Variants in CDKL5 observed in about 807,000 individuals in gnomAD.
CDKL5 encodes the protein cyclin-dependent kinase-like 5.
A neutral mutation model predicts 61.7 loss-of-function variants in CDKL5; 8 were observed. That is an observed-to-expected ratio of 0.13 (90% CI 0.08 to 0.23). The LOEUF (loss-of-function observed/expected upper bound fraction) is 0.23, where lower values mean the gene tolerates loss of function less well. Ranked by LOEUF, CDKL5 falls within the 10% of genes least tolerant of loss-of-function variation. The pLI is 1.00. For missense variants in CDKL5, 440 were observed against 734.5 expected (o/e 0.60, Z 4.63); for synonymous variants, 275 against 272.3 (o/e 1.01, Z -0.10).
intron 1 of CDKL5, among the ~76,000 whole-genome samples, chrX:18,438,758 C>G (rs1398950020): frequency 2.0e-5 from 2 of 100,271 alleles, no homozygotes; most frequent in African/African-American, 7.4e-5. Flanking sequence ...CCACTGCCCT[C>G]CAGCCTGGGC....
intron 1 of CDKL5, among the ~76,000 whole-genome samples, chrX:18,466,761 C>G (rs1175326386): frequency 8.9e-6 from 1 of 111,955 alleles, no homozygotes; most frequent in Admixed American, 9.5e-5. Flanking sequence ...AGTCCTCCCA[C>G]CTTGGCCTCC....
At chrX:18,430,383 C>G (rs956539509) in intron 1 of CDKL5, among the ~76,000 whole-genome samples, 1 of 111,960 alleles carries the variant, frequency 8.9e-6, no homozygotes, top group East Asian at 2.8e-4. Flanking sequence ...ATGGGCACCT[C>G]TTGTGTAATT....
chrX:18,444,825 C>G (rs1931835653), intron 1 of CDKL5, among the ~76,000 whole-genome samples: 1 of 111,791 alleles, frequency 8.9e-6, no homozygotes, highest in Non-Finnish European at 1.9e-5. Flanking sequence ...TTCTTCCCTC[C>G]AAGATTTTTG....
intron 3 of CDKL5, among the ~76,000 whole-genome samples, chrX:18,526,081 ATC>A (rs1175078591): frequency 6.2e-5 from 7 of 112,278 alleles, no homozygotes; most frequent in African/African-American, 1.6e-4. Flanking sequence ...TGAACACAAA[ATC>A]TCTCTCCATT....
At position 18,443,460 on chromosome X, in the gene CDKL5, A is replaced by C. The variant is rs184746146; in HGVS notation, c.-163+17765A>C. On this transcript the variant is annotated intron_variant, in intron 1 of 17. Coordinates refer to ENST00000623535, the MANE Select transcript of CDKL5 (RefSeq NM_001323289.2). ...ATTTCATCATCCAGGTAATAAGCCC[A>C]GTACCTAGTAGTTATCTTTTCTGCT... Among the ~76,000 whole-genome samples the C allele has an allele frequency of 3.3e-3, 365 of 112,102 alleles. 1 individual carries two copies. The highest frequency in any genetic ancestry group is 0.014 in the Middle Eastern group (3 of 217).
rs554698354 is a variant in CDKL5, at chrX:18,484,438, C to G, written c.-162-22497C>G. Among the ~76,000 whole-genome samples, 376 of 110,026 alleles carry G rather than the reference C, an allele frequency of 3.4e-3. 2 individuals carry two copies. In the Middle Eastern group the frequency reaches 0.042, roughly 12 times the overall value. On this transcript the variant is annotated intron_variant, in intron 1 of 17. Transcript: ENST00000623535. The stretch of plus-strand genomic sequence containing the variant: ...GTTCAAGTGATTCTCCTGCCTCAGC[C>G]TCCTGAGTAGCTGGGATTATAGGAG...
At chrX:18,433,498 C>T (rs1304363359) in intron 1 of CDKL5, among the ~76,000 whole-genome samples, 4 of 111,699 alleles carry the variant, frequency 3.6e-5, no homozygotes, top group Admixed American at 1.9e-4. Context: ...TGCGGTGAGC[C>T]GAGATTGCAT....
rs2147167525 is a variant in CDKL5 at position 18,613,164 on chromosome X, G to A, written c.2165G>A (p.Arg722His). 3.4e-6 allele frequency: 4 copies of A among 1,181,886 alleles called. No homozygotes were observed. Among genetic ancestry groups the A allele is most frequent in the African/African-American group, 1.8e-5 (1 of 56,110 alleles). The change falls in exon 15 of 18, where the codon CGT becomes CAT. Residue 722 changes from arginine (R) to histidine (H), a missense_variant. Arg to His is a conservative substitution (Grantham distance 29). This residue lies in a region of CDKL5 where 363 missense variants were observed against 516.3 expected (regional missense o/e 0.70). Transcript: ENST00000623535. ...VGSFYRVPSP[R>H]PDNSFHENNV... is the part of the protein sequence containing the mutation. ...TTTCTTTATTCAGTGCCATCTCCAC[G>A]TCCAGACAATTCTTTCCATGAAAAT...
intron 1 of CDKL5, among the ~76,000 whole-genome samples, chrX:18,459,026 G>A (rs1253432180): frequency 1.8e-5 from 2 of 111,974 alleles, no homozygotes; most frequent in African/African-American, 3.2e-5. Flanking sequence ...TTTTACCAGG[G>A]CCTGGGACAG....
intron 3 of CDKL5, among the ~76,000 whole-genome samples, chrX:18,522,145 A>G (rs1028593669): frequency 2.7e-5 from 3 of 110,432 alleles, no homozygotes; most frequent in African/African-American, 9.9e-5. Flanking sequence ...CTGTCATCCT[A>G]ACTATAAATT....
At chrX:18,435,755 C>T (rs1157192261) in intron 1 of CDKL5, among the ~76,000 whole-genome samples, 3 of 110,904 alleles carry the variant, frequency 2.7e-5, no homozygotes, top group Non-Finnish European at 5.7e-5. Flanking sequence ...TCAGTAGAGA[C>T]GGGGTTTCAC....
In CDKL5 at chrX:18,501,777, G is replaced by C. The variant is rs187550835; in HGVS notation, c.-162-5158G>C. 2.6e-4 allele frequency among the ~76,000 whole-genome samples: 29 copies of C among 110,822 alleles called. No homozygotes were observed. The East Asian group carries it at 8.3e-3, about 32-fold the overall frequency. On this transcript the variant is annotated intron_variant, in intron 1 of 17. Transcript: ENST00000623535. ...TTGGTCATGCTGGTCTCGAACTCCT[G>C]ACCTCAGGTCATCTACCTGCCTTGG...
intron 1 of CDKL5, among the ~76,000 whole-genome samples, chrX:18,451,361 T>G (rs985692591): frequency 2.7e-5 from 3 of 110,373 alleles, no homozygotes; most frequent in African/African-American, 9.9e-5. Context: ...ACCGCTAATT[T>G]TTGTATTTTT....
Position 18,580,013 on chromosome X carries a change from AAAGTT to A in CDKL5, c.403+49_403+53del, listed in dbSNP as rs267608473. 2 of 1,052,803 alleles carry A rather than the reference AAAGTT, an allele frequency of 1.9e-6. No individual in the cohort carries two copies. Among genetic ancestry groups the A allele is most frequent in the South Asian group, 1.9e-5 (1 of 52,854 alleles). The allele number at this position is 1,052,803 out of a possible 1,213,427, so 86.8% of individuals were successfully genotyped here. A position where few individuals can be genotyped will look rare whatever the true frequency, so the allele number is the denominator to read the frequency against. On this transcript the variant is annotated intron_variant, in intron 6 of 17. Coordinates refer to ENST00000623535, the MANE Select transcript of CDKL5 (RefSeq NM_001323289.2). ...AATGGAAAATATTAAAACATCAAAT[AAAGTT>A]AAGAGTATTTCACATGTTACTGTCT...
chrX:18,466,639 T>C (rs969712845), intron 1 of CDKL5, among the ~76,000 whole-genome samples: 3 of 111,003 alleles, frequency 2.7e-5, no homozygotes, highest in Non-Finnish European at 5.7e-5. Context: ...GCCTCCCGAG[T>C]AGCTGGGACT....
At position 18,613,271 on chromosome X, in the gene CDKL5, C is replaced by G; in HGVS notation, c.2272C>G (p.Pro758Ala). ...CTCAAAAAGACAACCAGCATTCGATCCATGGTGAGCATTTTGGTTTGTTTT... is the reference window on the plus strand; with the variant it reads ...CTCAAAAAGACAACCAGCATTCGATGCATGGTGAGCATTTTGGTTTGTTTT... ...NHSKRQPAFD[P>A]WKSPENISHS... Residue 758 changes from proline to alanine, a missense_variant, in exon 15 of 18, where the codon CCA becomes GCA. By Grantham distance (27) the Pro-to-Ala change is conservative (BLOSUM62 -1). Around this residue, in one of 2 missense-constraint regions of CDKL5, gnomAD observed 363 missense variants for 516.3 expected, o/e 0.70. Transcript: ENST00000623535. The G allele has an allele frequency of 8.4e-7, 1 of 1,195,844 alleles. No individual in the cohort carries two copies. The highest frequency in any genetic ancestry group is 1.1e-6 in the Non-Finnish European group (1 of 885,465).
chrX:18,475,858 T>C (rs183795397), intron 1 of CDKL5, among the ~76,000 whole-genome samples: 1 of 112,137 alleles, frequency 8.9e-6, no homozygotes, highest in Non-Finnish European at 1.9e-5. Flanking sequence ...ATTTTAAAAA[T>C]ACATTGTATA....
chrX:18,458,213 G>T (rs909509787), intron 1 of CDKL5, among the ~76,000 whole-genome samples: 5 of 110,336 alleles, frequency 4.5e-5, no homozygotes, highest in Non-Finnish European at 9.5e-5. Flanking sequence ...GTGAGCCACC[G>T]CACCCAGCCT....
chrX:18,456,354 C>A (rs1932142862), intron 1 of CDKL5, among the ~76,000 whole-genome samples: 1 of 111,658 alleles, frequency 9.0e-6, no homozygotes, highest in South Asian at 3.7e-4. Flanking sequence ...ACCCAACCTT[C>A]CGTCACAACC....
Sources: gnomAD v4.1 joint callset for allele counts (sites outside exome capture counted in the v4.1 genomes callset) on GRCh38, gnomAD v4.1.1 for gene constraint, gnomAD v4.1.1 regional missense constraint, MANE v1.5 for transcripts, NCBI Gene and HGNC (gene_info 2026-07-23, HGNC 2026-07-21) for gene names.